Variants in RICTOR observed in about 807,000 individuals in gnomAD.
The protein encoded by RICTOR is RPTOR independent companion of MTOR complex 2.
Under a neutral mutation model 214.9 loss-of-function variants are expected in RICTOR, and 49 were observed. That is an observed-to-expected ratio of 0.23 (90% CI 0.18 to 0.29). RICTOR has a LOEUF of 0.29. RICTOR is among the 10% of genes least tolerant of loss of function. The probability of loss-of-function intolerance (pLI) is 1.00; values close to 1 mark genes in which losing one functional copy is unlikely to be tolerated. For missense variants in RICTOR, 1,625 were observed against 2,047.0 expected, an observed-to-expected ratio of 0.79 and a Z score of 3.98; for synonymous variants, 717 against 711.3, an observed-to-expected ratio of 1.01 and a Z score of -0.13.
At chr5:39,014,076 T>C (rs976893763) in intron 3 of RICTOR, among the ~76,000 whole-genome samples, 1 of 152,092 alleles carries the variant, frequency 6.6e-6, no homozygotes, top group Non-Finnish European at 1.5e-5. Context: ...TACATGTTCA[T>C]AGCCTAAGAG....
chr5:38,953,563 G>GA lies in RICTOR; in HGVS notation c.2698-11dup, dbSNP rs33912683. On this transcript the variant is annotated splice_polypyrimidine_tract_variant and intron_variant, in intron 27 of 37. Transcript: ENST00000357387. Reference sequence around the variant, plus strand: ...GTTCTGTAATAATATTCTGGAGAAAGAAAAAAAAATACCATGAGTAATAAT... The same window carrying GA: ...GTTCTGTAATAATATTCTGGAGAAAGAAAAAAAAAATACCATGAGTAATAAT... 639,211 of 700,640 alleles carry GA rather than the reference G, an allele frequency of 0.91. 291,726 individuals are homozygous for GA. Among genetic ancestry groups the GA allele is most frequent in the East Asian group, 0.96 (29,477 of 30,582 alleles). The allele number at this position is 700,640 out of a possible 1,614,324, so 43.4% of individuals were successfully genotyped here.
At chr5:39,051,017 CTT>C (rs1489878873) in intron 2 of RICTOR, among the ~76,000 whole-genome samples, 4 of 148,934 alleles carry the variant, frequency 2.7e-5, no homozygotes, top group Non-Finnish European at 4.4e-5. Flanking sequence ...GATGGATAAT[CTT>C]TCTCTCTCCC....
intron 2 of RICTOR, among the ~76,000 whole-genome samples, chr5:39,042,062 C>T (rs1169047224): frequency 6.6e-6 from 1 of 151,780 alleles, no homozygotes; most frequent in African/African-American, 2.4e-5. Context: ...CATAGAAATA[C>T]CAATTCCAGG....
At chr5:39,042,622 G>A (rs775954290) in intron 2 of RICTOR, among the ~76,000 whole-genome samples, 8 of 151,998 alleles carry the variant, frequency 5.3e-5, no homozygotes, top group Non-Finnish European at 7.4e-5. Context: ...TGTTCATACC[G>A]GTTTATAATT....
chr5:38,962,441 A>G (rs7729745), intron 18 of RICTOR, 44 bp downstream of exon 18: 1,146,190 of 1,178,974 alleles, frequency 0.97, 557,696 homozygotes, highest in East Asian at 0.99. Flanking sequence ...ATAATTAATA[A>G]TAAAATTAAA....
intron 8 of RICTOR, among the ~76,000 whole-genome samples, chr5:38,978,881 T>C (rs1751458473): frequency 6.6e-6 from 1 of 152,104 alleles, no homozygotes; most frequent in South Asian, 2.1e-4. Context: ...ACAGTGATTT[T>C]CTCAAACTAA....
At chr5:38,974,113 G>C (rs991532701) in intron 10 of RICTOR, among the ~76,000 whole-genome samples, 1 of 151,414 alleles carries the variant, frequency 6.6e-6, no homozygotes, top group Non-Finnish European at 1.5e-5. Flanking sequence ...GTAGTGGTGC[G>C]ATCTTGGCTC....
intron 2 of RICTOR, among the ~76,000 whole-genome samples, chr5:39,068,047 G>T (rs1237872205): frequency 6.6e-6 from 1 of 152,128 alleles, no homozygotes; most frequent in Non-Finnish European, 1.5e-5. Context: ...AATGGTAACT[G>T]CAATTTAGAA....
At chr5:38,960,615 A>G (rs973966233) in intron 19 of RICTOR, 82 bp from the exon 20 acceptor site, 3 of 1,382,260 alleles carry the variant, frequency 2.2e-6, no homozygotes, top group Non-Finnish European at 2.0e-6. Flanking sequence ...TGACATAATA[A>G]GGCTTTCAGA....
chr5:38,991,225 G>A, intron 6 of RICTOR, 150 bp from the exon 7 acceptor site: 1 of 458,130 alleles, frequency 2.2e-6, no homozygotes, highest in South Asian at 3.9e-5. Flanking sequence ...TATTTCAAAA[G>A]ATTAATATAA....
At chr5:39,055,196 C>G (rs1758120757) in intron 2 of RICTOR, among the ~76,000 whole-genome samples, 1 of 152,142 alleles carries the variant, frequency 6.6e-6, no homozygotes, top group African/African-American at 2.4e-5. Flanking sequence ...TTGTACCACC[C>G]TCTCCAAGTT....
Position 39,027,139 on chromosome 5 carries a change from T to C in RICTOR, c.98-6003A>G, listed in dbSNP as rs533658233. On this transcript the variant is annotated intron_variant, in intron 2 of 37. Transcript: ENST00000357387. ...TTTCTTGACATTACACTGCCTTATA[T>C]GTTTTTGGAAGTGAGGACTGTATAA... 1.9e-3 allele frequency among the ~76,000 whole-genome samples: 292 copies of C among 152,318 alleles called. 2 individuals are homozygous for C. Among genetic ancestry groups the C allele is most frequent in the Non-Finnish European group, 8.5e-4 (58 of 68,020 alleles).
At chr5:39,014,782 G>A (rs2150126532) in intron 3 of RICTOR, among the ~76,000 whole-genome samples, 1 of 152,224 alleles carries the variant, frequency 6.6e-6, no homozygotes, top group Admixed American at 6.5e-5. Context: ...ATGGTTAAAG[G>A]ATCACATCAC....
chr5:39,044,450 G>C (rs543835264), intron 2 of RICTOR, among the ~76,000 whole-genome samples: 1 of 152,080 alleles, frequency 6.6e-6, no homozygotes, highest in South Asian at 2.1e-4. Context: ...GAATGGACAA[G>C]GGACTTACTA....
intron 27 of RICTOR, 59 bp downstream of exon 27, chr5:38,954,715 A>T: frequency 9.6e-7 from 1 of 1,043,040 alleles, no homozygotes; most frequent in Non-Finnish European, 1.5e-6. Flanking sequence ...TAGCAATGTT[A>T]AGATTTTGTT....
chr5:39,065,158 G>A (rs1258366254), intron 2 of RICTOR, among the ~76,000 whole-genome samples: 1 of 152,208 alleles, frequency 6.6e-6, no homozygotes, highest in Non-Finnish European at 1.5e-5. Flanking sequence ...AGGAAGCAGG[G>A]CACCAGCACT....
chr5:39,026,123 G>T (rs375246877), intron 2 of RICTOR, among the ~76,000 whole-genome samples: 22 of 152,292 alleles, frequency 1.4e-4, no homozygotes, highest in East Asian at 1.4e-3. Context: ...TATCAGGTCA[G>T]AAATAAGATG....
chr5:39,065,203 T>C (rs748990480), intron 2 of RICTOR, among the ~76,000 whole-genome samples: 14 of 152,120 alleles, frequency 9.2e-5, no homozygotes, highest in East Asian at 1.9e-4. Flanking sequence ...CTTTTACTCA[T>C]AGCAAAGACG....
rs1554057795 is a variant in RICTOR, at chr5:38,940,153, A to AAAAAAAAAAAAAAAC, written c.*2150_*2151insGTTTTTTTTTTTTTT. ...AGTAAAAAAAAAAAACAAAAAAAAA[A>AAAAAAAAAAAAAAAC]ACACAAAACATTCAGGCCAATACTA... is the stretch of plus-strand genomic sequence containing the variant. On this transcript the variant is annotated 3_prime_UTR_variant, in exon 38 of 38. Coordinates refer to ENST00000357387, the MANE Select transcript of RICTOR (RefSeq NM_152756.5). 1 of 228,872 alleles carries AAAAAAAAAAAAAAAC rather than the reference A, an allele frequency of 4.4e-6. No individual in the cohort carries two copies. Among genetic ancestry groups the AAAAAAAAAAAAAAAC allele is most frequent in the African/African-American group, 2.2e-5 (1 of 44,518 alleles). The allele number at this position is 228,872 out of a possible 1,614,324, so 14.2% of individuals were successfully genotyped here. A position where few individuals can be genotyped will look rare whatever the true frequency, so the allele number is the denominator to read the frequency against.
Sources: gnomAD v4.1 joint callset for allele counts (sites outside exome capture counted in the v4.1 genomes callset) on GRCh38, gnomAD v4.1.1 for gene constraint, MANE v1.5 for transcripts, NCBI Gene and HGNC (gene_info 2026-07-23, HGNC 2026-07-21) for gene names.